Variants in DYSF observed in about 807,000 individuals in gnomAD.
DYSF encodes the protein dysferlin.
DYSF carries 212 observed loss-of-function variants against 274.9 expected under a neutral mutation model. That is an observed-to-expected ratio of 0.77 (90% CI 0.69 to 0.86). The LOEUF is 0.86. Among genes scored for constraint, DYSF ranks in the 40% least tolerant of loss-of-function variants. DYSF has a pLI of 0.00. For missense variants in DYSF, 2,666 were observed against 2,783.2 expected (o/e 0.96, Z 0.95); for synonymous variants, 1,091 against 1,078.7 (o/e 1.01, Z -0.22).
intron 24 of DYSF, among the ~76,000 whole-genome samples, chr2:71,564,838 G>A (rs1460710123): frequency 2.6e-5 from 4 of 152,356 alleles, no homozygotes; most frequent in African/African-American, 9.6e-5. Flanking sequence ...CAGCTTTGGG[G>A]ACGGGTGACA....
chr2:71,575,330 A>G (rs2092666435), intron 30 of DYSF, among the ~76,000 whole-genome samples: 1 of 152,144 alleles, frequency 6.6e-6, no homozygotes, highest in South Asian at 2.1e-4. Flanking sequence ...CAACAGTGGC[A>G]GTATAGGAGA....
rs73942350 is a variant in DYSF, at chr2:71,602,587, C to T, written c.3928-189C>T. The T allele has an allele frequency of 2.2e-3, 1,306 of 596,286 alleles. 22 individuals carry two copies. The African/African-American group carries it at 0.022, about 10-fold the overall frequency. The allele number at this position is 596,286 out of a possible 1,614,324, so 36.9% of individuals were successfully genotyped here. A position where few individuals can be genotyped will look rare whatever the true frequency, so the allele number is the denominator to read the frequency against. ...TCTTTCCCAGGGACCACTTTAGGGG[C>T]GTGGCTGGGAAGTGCATCATTCTTA... On this transcript the variant is annotated intron_variant, in intron 35 of 55. Transcript: ENST00000410020.
chr2:71,469,389 G>A (rs1047818037), intron 1 of DYSF, among the ~76,000 whole-genome samples: 5 of 152,152 alleles, frequency 3.3e-5, no homozygotes, highest in East Asian at 1.9e-4. Flanking sequence ...GATCCCTTCC[G>A]GTGGGGCCCC....
rs1270344401 is a variant in DYSF at position 71,539,039 on chromosome 2, G to C, written c.1494-118G>C. Reference sequence around the variant, plus strand: ...ACATACCAAAGTGAAGACCAGAAGCGCTCTCTGCCTGCCCCCCGCCCCCCT... The same window carrying C: ...ACATACCAAAGTGAAGACCAGAAGCCCTCTCTGCCTGCCCCCCGCCCCCCT... On this transcript the variant is annotated intron_variant, in intron 16 of 55. Transcript: ENST00000410020. 7 of 837,736 alleles carry C rather than the reference G, an allele frequency of 8.4e-6. No homozygotes were observed. In the South Asian group the frequency reaches 9.5e-5, roughly 11 times the overall value. 51.9% of individuals were successfully genotyped at this position (837,736 alleles called of 1,614,324 possible). A position where few individuals can be genotyped will look rare whatever the true frequency, so the allele number is the denominator to read the frequency against.
rs1031645076 is a variant in DYSF, at chr2:71,520,465, G to A, written c.1033+257G>A. 3.9e-5 allele frequency among the ~76,000 whole-genome samples: 6 copies of A among 152,178 alleles called. No individual in the cohort carries two copies. The South Asian group carries it at 8.3e-4, about 21-fold the overall frequency. ...CCCCATTACTGGACACTGGGCTCACGGCAGACAGGGACAGGTCATTTGGGT... is the reference window on the plus strand; with the variant it reads ...CCCCATTACTGGACACTGGGCTCACAGCAGACAGGGACAGGTCATTTGGGT... On this transcript the variant is annotated intron_variant, in intron 11 of 55. Transcript: ENST00000410020.
chr2:71,499,656 G>C (rs1313885537), intron 3 of DYSF, among the ~76,000 whole-genome samples: 2 of 152,194 alleles, frequency 1.3e-5, no homozygotes, highest in Non-Finnish European at 2.9e-5. Context: ...CATGTGCCCT[G>C]TCAGACCTCA....
chr2:71,526,126 G>T, intron 12 of DYSF, 94 bp from the exon 13 acceptor site: 1 of 1,609,882 alleles, frequency 6.2e-7, no homozygotes, highest in Non-Finnish European at 8.5e-7. Flanking sequence ...GCAGAATGCA[G>T]CATTTATGTG....
In DYSF at chr2:71,628,679, A is replaced by G. The variant is rs2094255395; in HGVS notation, c.4527+8070A>G. 2.0e-5 allele frequency among the ~76,000 whole-genome samples: 3 copies of G among 152,204 alleles called. No individual in the cohort carries two copies. In the South Asian group the frequency reaches 6.2e-4, roughly 31 times the overall value. ...GTTAAGTTTAGTTTTGGCTGGGTGC[A>G]GTGGCTCATGCCTGTAATCCCAGCA... is the stretch of plus-strand genomic sequence containing the variant. On this transcript the variant is annotated intron_variant, in intron 41 of 55. Coordinates refer to ENST00000410020, the MANE Select transcript of DYSF (RefSeq NM_001130987.2).
chr2:71,498,099 A>G (rs2084596463), intron 3 of DYSF, among the ~76,000 whole-genome samples: 1 of 152,270 alleles, frequency 6.6e-6, no homozygotes. Flanking sequence ...AAACTTGTTT[A>G]GTCCTAAATG....
chr2:71,497,920 C>A (rs1171975992), intron 3 of DYSF, among the ~76,000 whole-genome samples: 3 of 152,094 alleles, frequency 2.0e-5, no homozygotes, highest in Non-Finnish European at 4.4e-5. Context: ...GTTTTGAAGA[C>A]CTTCTTCTGG....
At position 71,481,906 on chromosome 2, in the gene DYSF, C is replaced by A. The variant is rs1400538817; in HGVS notation, c.175C>A (p.Pro59Thr). 6.2e-7 allele frequency: 1 copy of A among 1,614,130 alleles called. No individual in the cohort carries two copies. Among genetic ancestry groups the A allele is most frequent in the South Asian group, 1.1e-5 (1 of 91,080 alleles). The change falls in exon 3 of 56, where the codon CCC becomes ACC. Residue 59 changes from proline to threonine, a missense_variant. Coordinates refer to ENST00000410020, the MANE Select transcript of DYSF (RefSeq NM_001130987.2). ...EGFEWDLKGI[P>T]LDQGSELHVV... ...ATTTGAATGGGACCTCAAGGGCATCCCCCTGGACCAGGGCTCTGAGCTTCA... is the reference window on the plus strand; with the variant it reads ...ATTTGAATGGGACCTCAAGGGCATCACCCTGGACCAGGGCTCTGAGCTTCA...
At position 71,566,840 on chromosome 2, in the gene DYSF, G is replaced by A. The variant is rs370493917; in HGVS notation, c.2566-1111G>A. ...AACCAAAAGAAGGGGGGCTGTGTCCGCAGGAGGGAAGCGTGAGGTGGCCCT... is the reference window on the plus strand; with the variant it reads ...AACCAAAAGAAGGGGGGCTGTGTCCACAGGAGGGAAGCGTGAGGTGGCCCT... On this transcript the variant is annotated intron_variant, in intron 24 of 55. Transcript: ENST00000410020. Among the ~76,000 whole-genome samples, 198 of 152,324 alleles carry A rather than the reference G, an allele frequency of 1.3e-3. 2 individuals are homozygous for A. The highest frequency in any genetic ancestry group is 4.5e-3 in the African/African-American group (187 of 41,574).
At chr2:71,652,006 C>T (rs1485213934) in intron 42 of DYSF, among the ~76,000 whole-genome samples, 1 of 152,102 alleles carries the variant, frequency 6.6e-6, no homozygotes, top group Non-Finnish European at 1.5e-5. Context: ...TTAAAAAGAA[C>T]ATCTCTCAAG....
intron 41 of DYSF, among the ~76,000 whole-genome samples, chr2:71,621,532 T>C (rs1468150375): frequency 2.0e-5 from 3 of 152,044 alleles, no homozygotes; most frequent in Non-Finnish European, 2.9e-5. Context: ...ATGAATACTT[T>C]TTAAAAACAA....
At chr2:71,622,386 A>G (rs1216678381) in intron 41 of DYSF, among the ~76,000 whole-genome samples, 2 of 152,120 alleles carry the variant, frequency 1.3e-5, no homozygotes, top group African/African-American at 2.4e-5. Flanking sequence ...CAAGTAGGTA[A>G]GATTGTTTTC....
At chr2:71,502,520 A>G (rs540511510) in intron 3 of DYSF, among the ~76,000 whole-genome samples, 1 of 152,226 alleles carries the variant, frequency 6.6e-6, no homozygotes, top group African/African-American at 2.4e-5. Flanking sequence ...TGGTGAGCCC[A>G]CTTCATAGCT....
chr2:71,553,941 A>T lies in DYSF; in HGVS notation c.2109+10A>T. 6.2e-7 allele frequency: 1 copy of T among 1,613,972 alleles called. No individual in the cohort carries two copies. Among genetic ancestry groups the T allele is most frequent in the Non-Finnish European group, 8.5e-7 (1 of 1,179,974 alleles). On this transcript the variant is annotated intron_variant, in intron 21 of 55. Coordinates refer to ENST00000410020, the MANE Select transcript of DYSF (RefSeq NM_001130987.2). ...GATTGCTGACCGGCTGGTGAGTGAA[A>T]ACTTGCCCAAAGCTGCACATGCCTA... is the stretch of plus-strand genomic sequence containing the variant.
rs863225021 is a variant in DYSF at position 71,665,181 on chromosome 2, C to T, written c.5194C>T (p.Arg1732Trp). The T allele has an allele frequency of 9.9e-6, 16 of 1,613,700 alleles. No homozygotes were observed. The highest frequency in any genetic ancestry group is 2.7e-5 in the African/African-American group (2 of 74,890). The change falls in exon 47 of 56, where the codon CGG becomes TGG. Residue 1732 changes from arginine (R) to tryptophan (W), a missense_variant. Coordinates refer to ENST00000410020, the MANE Select transcript of DYSF (RefSeq NM_001130987.2). ...TYCVSGPNQW[R>W]DQLRPSQLLH... ...CCTCAGCTCTGGACCGAACCAGTGG[C>T]GGGACCAGCTCCGCCCCTCCCAGCT...
chr2:71,600,889 G>A (rs890529207), intron 34 of DYSF, 47 bp downstream of exon 34: 1 of 1,601,658 alleles, frequency 6.2e-7, no homozygotes, highest in African/African-American at 1.3e-5. Flanking sequence ...GCAGGAGTGG[G>A]GTGGGGGCCA....
Sources: gnomAD v4.1 joint callset for allele counts (sites outside exome capture counted in the v4.1 genomes callset) on GRCh38, gnomAD v4.1.1 for gene constraint, MANE v1.5 for transcripts, NCBI Gene and HGNC (gene_info 2026-07-23, HGNC 2026-07-21) for gene names.